Variants in EDIL3 observed in about 807,000 individuals in gnomAD.
The protein encoded by EDIL3 is EGF-like repeat and discoidin I-like domain-containing protein 3.
A neutral mutation model predicts 67.4 loss-of-function variants in EDIL3; 37 were observed. The observed-to-expected ratio is 0.55, with a 90% CI of 0.42 to 0.72. The LOEUF is 0.72. Among genes scored for constraint, EDIL3 ranks in the 30% least tolerant of loss-of-function variants. EDIL3 has a pLI of 0.00. For synonymous variants in EDIL3, 195 were observed against 196.3 expected (o/e 0.99, Z 0.05); for missense variants, 527 against 586.3 (o/e 0.90, Z 1.04).
chr5:84,013,928 T>G (rs1182024007), intron 9 of EDIL3, among the ~76,000 whole-genome samples: 1 of 152,174 alleles, frequency 6.6e-6, no homozygotes, highest in Non-Finnish European at 1.5e-5. Flanking sequence ...GAATTGTAGA[T>G]AAATTGAAAG....
chr5:84,292,974 C>T (rs935258328), intron 1 of EDIL3, among the ~76,000 whole-genome samples: 3 of 152,184 alleles, frequency 2.0e-5, no homozygotes, highest in South Asian at 2.1e-4. Flanking sequence ...TCTTCCCAGA[C>T]GTTGCCTAAA....
At chr5:84,091,560 C>T (rs1412529834) in intron 6 of EDIL3, among the ~76,000 whole-genome samples, 1 of 152,206 alleles carries the variant, frequency 6.6e-6, no homozygotes, top group Non-Finnish European at 1.5e-5. Context: ...AGTACTGTCA[C>T]ATTTTCAACA....
chr5:84,248,286 G>C (rs890236187), intron 2 of EDIL3, among the ~76,000 whole-genome samples: 4 of 151,990 alleles, frequency 2.6e-5, no homozygotes, highest in Admixed American at 6.6e-5. Flanking sequence ...TTGCTTAACT[G>C]CTCCACAGTA....
At chr5:84,283,935 A>C (rs368548236) in intron 1 of EDIL3, among the ~76,000 whole-genome samples, 2 of 152,176 alleles carry the variant, frequency 1.3e-5, no homozygotes, top group African/African-American at 4.8e-5. Context: ...GACCAGGTAG[A>C]GGAGCCCCTT....
At chr5:84,313,072 C>A (rs905919468) in intron 1 of EDIL3, among the ~76,000 whole-genome samples, 11 of 151,938 alleles carry the variant, frequency 7.2e-5, no homozygotes, top group Non-Finnish European at 1.2e-4. Flanking sequence ...GTGACAGGGC[C>A]CACAATATTG....
chr5:84,171,937 A>G (rs902675601), intron 4 of EDIL3, among the ~76,000 whole-genome samples: 11 of 152,176 alleles, frequency 7.2e-5, no homozygotes, highest in Admixed American at 4.6e-4. Context: ...TTCCAGACCC[A>G]TTTGCATCAC....
At chr5:84,374,726 G>A (rs1423945036) in intron 1 of EDIL3, among the ~76,000 whole-genome samples, 1 of 152,120 alleles carries the variant, frequency 6.6e-6, no homozygotes, top group African/African-American at 2.4e-5. Flanking sequence ...GAATCATGGA[G>A]GTGGTTTCCC....
intron 1 of EDIL3, among the ~76,000 whole-genome samples, chr5:84,321,161 CATT>C (rs1746639858): frequency 6.6e-6 from 1 of 152,118 alleles, no homozygotes; most frequent in Non-Finnish European, 1.5e-5. Flanking sequence ...AATTTCCTAA[CATT>C]ATTTTTTTTC....
intron 9 of EDIL3, among the ~76,000 whole-genome samples, chr5:84,025,586 T>C (rs1211831553): frequency 1.3e-5 from 2 of 152,168 alleles, no homozygotes; most frequent in Non-Finnish European, 2.9e-5. Flanking sequence ...CAACCCAGTC[T>C]GTGGAAAAAT....
chr5:83,989,545 T>A (rs944414206), intron 9 of EDIL3, among the ~76,000 whole-genome samples: 1 of 152,166 alleles, frequency 6.6e-6, no homozygotes, highest in African/African-American at 2.4e-5. Flanking sequence ...GTAGAATGCA[T>A]CATTTGAATG....
rs563236377 is a variant in EDIL3, at chr5:84,106,382, T to C, written c.651+267A>G. On this transcript the variant is annotated intron_variant, in intron 6 of 10. Transcript: ENST00000296591. ...TAATGAACACACAGTATACAGAAAG[T>C]CTCCTGCTTTGATATGCACCTTAAA... Among the ~76,000 whole-genome samples, 114 of 151,976 alleles carry C rather than the reference T, an allele frequency of 7.5e-4. 1 individual carries two copies. Among genetic ancestry groups the C allele is most frequent in the Admixed American group, 2.6e-3 (40 of 15,216 alleles).
intron 4 of EDIL3, among the ~76,000 whole-genome samples, chr5:84,174,603 G>C (rs531416986): frequency 6.6e-6 from 1 of 152,154 alleles, no homozygotes; most frequent in Non-Finnish European, 1.5e-5. Context: ...AGGGTCCAAG[G>C]TTCAAGCGTT....
Position 84,004,946 on chromosome 5 carries a change from T to G in EDIL3, c.1138-41586A>C. ...AAGATTGATAAAGTGCTAGCTAGAC[T>G]AATAAGGAAAAAAAATGAGATAAGA... On this transcript the variant is annotated intron_variant, in intron 9 of 10. Coordinates refer to ENST00000296591, the MANE Select transcript of EDIL3 (RefSeq NM_005711.5). Among the ~76,000 whole-genome samples, 5 of 151,940 alleles carry G rather than the reference T, an allele frequency of 3.3e-5. No individual in the cohort carries two copies. In the South Asian group the frequency reaches 1.0e-3, roughly 32 times the overall value.
intron 3 of EDIL3, among the ~76,000 whole-genome samples, chr5:84,221,200 G>A (rs1013472446): frequency 6.6e-6 from 1 of 152,114 alleles, no homozygotes; most frequent in African/African-American, 2.4e-5. Context: ...GCTGTACCAT[G>A]AGAGATTAAA....
Position 83,963,264 on chromosome 5 carries a change from A to T in EDIL3, c.1234T>A (p.Tyr412Asn). 2 of 1,610,460 alleles carry T rather than the reference A, an allele frequency of 1.2e-6. No individual in the cohort carries two copies. Among genetic ancestry groups the T allele is most frequent in the South Asian group, 1.1e-5 (1 of 90,892 alleles). Residue 412 changes from tyrosine (Y) to asparagine (N), a missense_variant, in exon 10 of 11, where the codon TAC (tyrosine) becomes AAC (asparagine). By Grantham distance (143) the Tyr-to-Asn change is moderately radical. Coordinates refer to ENST00000296591, the MANE Select transcript of EDIL3 (RefSeq NM_005711.5). ...GTCCAGTGTTCTCCATCATTGCTGT[A>T]AGCCAGTTTGTAGGAGCCAACAAAC... ...VQFVGSYKLA[Y>N]SNDGEHWTVY...
chr5:84,295,201 A>G (rs1286135419), intron 1 of EDIL3, among the ~76,000 whole-genome samples: 1 of 152,138 alleles, frequency 6.6e-6, no homozygotes, highest in African/African-American at 2.4e-5. Context: ...ATTTTTGATT[A>G]CATAACTTTT....
At chr5:84,247,547 T>C (rs1297706091) in intron 2 of EDIL3, among the ~76,000 whole-genome samples, 7 of 152,130 alleles carry the variant, frequency 4.6e-5, no homozygotes, top group African/African-American at 1.7e-4. Context: ...TTTTCTGGGA[T>C]AAATATATTC....
At chr5:84,051,822 T>C (rs1746344710) in intron 9 of EDIL3, among the ~76,000 whole-genome samples, 1 of 152,162 alleles carries the variant, frequency 6.6e-6, no homozygotes, top group South Asian at 2.1e-4. Context: ...AAAGACCAAA[T>C]CTACGTCTGA....
At chr5:84,137,985 C>G (rs1428321446) in intron 4 of EDIL3, among the ~76,000 whole-genome samples, 1 of 152,192 alleles carries the variant, frequency 6.6e-6, no homozygotes, top group East Asian at 1.9e-4. Context: ...ACATCTGATG[C>G]AAAATCACAT....
Sources: gnomAD v4.1 joint callset for allele counts (sites outside exome capture counted in the v4.1 genomes callset) on GRCh38, gnomAD v4.1.1 for gene constraint, MANE v1.5 for transcripts, NCBI Gene and HGNC (gene_info 2026-07-23, HGNC 2026-07-21) for gene names.